Variants in PTCSC3 observed in about 807,000 individuals in gnomAD.
The protein encoded by PTCSC3 is papillary thyroid carcinoma susceptibility candidate 3.
At chr14:36,141,642 T>C (rs920254472) in intron 3 of PTCSC3, among the ~76,000 whole-genome samples, 3 of 152,044 alleles carry the variant, frequency 2.0e-5, no homozygotes, top group African/African-American at 7.2e-5. Flanking sequence ...CGTGAGCCAC[T>C]GTGCCTGGCC....
chr14:36,145,789 G>T (rs1317699866), intron 3 of PTCSC3, among the ~76,000 whole-genome samples: 1 of 147,952 alleles, frequency 6.8e-6, no homozygotes, highest in Non-Finnish European at 1.5e-5. Context: ...GCTTTCTCTT[G>T]TGGGCATTTA....
chr14:36,137,086 A>G (rs1200013074), intron 3 of PTCSC3, among the ~76,000 whole-genome samples: 3 of 152,170 alleles, frequency 2.0e-5, no homozygotes, highest in Non-Finnish European at 4.4e-5. Context: ...TAGAAAATGG[A>G]TGGTGCTATT....
At chr14:36,143,604 A>G (rs1881479948) in intron 3 of PTCSC3, among the ~76,000 whole-genome samples, 1 of 149,040 alleles carries the variant, frequency 6.7e-6, no homozygotes, top group Admixed American at 6.7e-5. Flanking sequence ...CCCATTCTGT[A>G]GGTTGCCTGT....
intron 3 of PTCSC3, among the ~76,000 whole-genome samples, chr14:36,144,229 A>C (rs1881500069): frequency 6.7e-6 from 1 of 148,844 alleles, no homozygotes; most frequent in South Asian, 2.2e-4. Context: ...GATGGCGTTG[A>C]ATCTGTAAAT....
intron 2 of PTCSC3, among the ~76,000 whole-genome samples, chr14:36,158,720 T>C (rs975755331): frequency 6.6e-6 from 1 of 152,212 alleles, no homozygotes; most frequent in Non-Finnish European, 1.5e-5. Flanking sequence ...TTTTCGTTTT[T>C]GGTTGTGTCT....
At chr14:36,144,530 A>G (rs1480517035) in intron 3 of PTCSC3, among the ~76,000 whole-genome samples, 14 of 108,708 alleles carry the variant, frequency 1.3e-4, no homozygotes, top group African/African-American at 4.7e-4. Context: ...ACTTTGCTGA[A>G]GTTGCTTATC....
At chr14:36,171,855 T>C (rs1359402496) in intron 1 of PTCSC3, among the ~76,000 whole-genome samples, 1 of 152,076 alleles carries the variant, frequency 6.6e-6, no homozygotes, top group African/African-American at 2.4e-5. Flanking sequence ...TAGATGACCA[T>C]ACCCAGGGAA....
At chr14:36,146,617 A>G (rs1209487001) in intron 3 of PTCSC3, among the ~76,000 whole-genome samples, 3 of 152,202 alleles carry the variant, frequency 2.0e-5, no homozygotes, top group Non-Finnish European at 4.4e-5. Context: ...TCTTTATCCA[A>G]TTTGCCAGTC....
chr14:36,167,564 A>C (rs1882113730), intron 1 of PTCSC3, among the ~76,000 whole-genome samples: 1 of 152,132 alleles, frequency 6.6e-6, no homozygotes, highest in African/African-American at 2.4e-5. Context: ...ACCAAATCCT[A>C]GTTCTCGATG....
At chr14:36,154,440 A>G (rs1283506797) in intron 2 of PTCSC3, among the ~76,000 whole-genome samples, 1 of 152,260 alleles carries the variant, frequency 6.6e-6, no homozygotes, top group Non-Finnish European at 1.5e-5. Flanking sequence ...GTGAATATCA[A>G]TGAGTAGTGA....
At chr14:36,157,472 C>T (rs1213156242) in intron 2 of PTCSC3, among the ~76,000 whole-genome samples, 1 of 152,118 alleles carries the variant, frequency 6.6e-6, no homozygotes, top group Non-Finnish European at 1.5e-5. Context: ...GAAGTCTTTG[C>T]CCATGCCTAT....
intron 2 of PTCSC3, among the ~76,000 whole-genome samples, chr14:36,157,672 G>C (rs868568512): frequency 1.0e-4 from 15 of 150,486 alleles, no homozygotes; most frequent in Middle Eastern, 6.8e-3. Context: ...TGCTTGTTTT[G>C]ATGAAGTCAG....
intron 3 of PTCSC3, among the ~76,000 whole-genome samples, chr14:36,143,956 A>T (rs1241557069): frequency 6.6e-6 from 1 of 152,042 alleles, no homozygotes. Context: ...TTTGTCAAAG[A>T]TCAGATAGTT....
chr14:36,146,081 A>C (rs1319798691), intron 3 of PTCSC3, among the ~76,000 whole-genome samples: 5 of 149,562 alleles, frequency 3.3e-5, no homozygotes, highest in Non-Finnish European at 7.5e-5. Flanking sequence ...TTTACTTCCA[A>C]GTATGTGGTC....
intron 1 of PTCSC3, among the ~76,000 whole-genome samples, chr14:36,175,330 C>T (rs1291606365): frequency 6.6e-6 from 1 of 152,166 alleles, no homozygotes; most frequent in Non-Finnish European, 1.5e-5. Flanking sequence ...TGCCTGAAAT[C>T]GGATGCTTCA....
At chr14:36,167,770 AGTCTGCCC>A (rs1327254315) in intron 1 of PTCSC3, among the ~76,000 whole-genome samples, 1 of 152,204 alleles carries the variant, frequency 6.6e-6, no homozygotes, top group East Asian at 1.9e-4. Flanking sequence ...GAAACCTCAT[AGTCTGCCC>A]GTCAGAGGGG....
At chr14:36,173,017 G>A (rs757460081) in intron 1 of PTCSC3, among the ~76,000 whole-genome samples, 4 of 151,478 alleles carry the variant, frequency 2.6e-5, no homozygotes, top group African/African-American at 9.7e-5. Flanking sequence ...TTTTCTGCCA[G>A]AATAGAAAAA....
At chr14:36,159,182 A>T (rs4982342) in intron 2 of PTCSC3, among the ~76,000 whole-genome samples, 4,006 of 51,076 alleles carry the variant, frequency 0.078, 136 homozygotes, top group East Asian at 0.24. Context: ...GTTGATCTTT[A>T]AAAAAAAAAA....
intron 2 of PTCSC3, among the ~76,000 whole-genome samples, chr14:36,161,360 A>G (rs1263507341): frequency 6.6e-6 from 1 of 152,140 alleles, no homozygotes; most frequent in African/African-American, 2.4e-5. Flanking sequence ...TTGTGGATTT[A>G]TCTACCTTTG....
Sources: gnomAD v4.1 joint callset for allele counts (sites outside exome capture counted in the v4.1 genomes callset) on GRCh38, gnomAD v4.1.1 for gene constraint, MANE v1.5 for transcripts, NCBI Gene and HGNC (gene_info 2026-07-23, HGNC 2026-07-21) for gene names.